The following VWC2L variants were observed in gnomAD, a reference collection of about 807,000 sequenced individuals.
VWC2L encodes von Willebrand factor C domain containing 2 like.
VWC2L carries 10 observed loss-of-function variants against 21.6 expected under a neutral mutation model. The ratio of observed to expected loss-of-function variants is 0.46; its 90% CI spans 0.29 to 0.78. The LOEUF (loss-of-function observed/expected upper bound fraction) is 0.78. Ranked by LOEUF, VWC2L falls within the 30% of genes least tolerant of loss-of-function variation. VWC2L has a pLI of 0.10. For synonymous variants in VWC2L, 96 were observed against 94.3 expected (o/e 1.02, Z -0.10); for missense variants, 209 against 277.1 (o/e 0.75, Z 1.74).
intron 3 of VWC2L, among the ~76,000 whole-genome samples, chr2:214,513,931 G>C (rs1689098579): frequency 6.6e-6 from 1 of 152,086 alleles, no homozygotes; most frequent in Non-Finnish European, 1.5e-5. Flanking sequence ...GGCATCCTCA[G>C]TTCAGTCAAC....
chr2:214,431,251 T>A (rs75101868), intron 2 of VWC2L, among the ~76,000 whole-genome samples: 7,681 of 152,254 alleles, frequency 0.05, 598 homozygotes, highest in African/African-American at 0.17. Context: ...TTCATACAGT[T>A]TGAAAGTAAT....
At chr2:214,469,169 C>T (rs1448865139) in intron 3 of VWC2L, among the ~76,000 whole-genome samples, 2 of 152,062 alleles carry the variant, frequency 1.3e-5, no homozygotes, top group Non-Finnish European at 2.9e-5. Context: ...GATAAAAGAA[C>T]GTTCCATACA....
chr2:214,533,864 T>G (rs1689481990), intron 3 of VWC2L: 1 of 152,182 alleles, frequency 6.6e-6, no homozygotes, highest in Non-Finnish European at 1.5e-5. Flanking sequence ...AGTTTAGCCA[T>G]AAACCTTCCA....
chr2:214,473,308 G>T (rs1455743963), intron 3 of VWC2L, among the ~76,000 whole-genome samples: 2 of 152,136 alleles, frequency 1.3e-5, no homozygotes, highest in Non-Finnish European at 2.9e-5. Context: ...AAGTTAACTT[G>T]CTGTAACAGA....
intron 3 of VWC2L, among the ~76,000 whole-genome samples, chr2:214,460,674 G>T (rs956412549): frequency 2.0e-5 from 3 of 151,950 alleles, no homozygotes; most frequent in Non-Finnish European, 4.4e-5. Flanking sequence ...ATTCTGAATT[G>T]CTTTTCTGAT....
At chr2:214,553,551 A>G (rs1490847640) in intron 3 of VWC2L, among the ~76,000 whole-genome samples, 1 of 152,196 alleles carries the variant, frequency 6.6e-6, no homozygotes, top group Non-Finnish European at 1.5e-5. Flanking sequence ...TATGGAGACC[A>G]AGGTTTTATC....
rs1339234240 is a variant in VWC2L at position 214,576,681 on chromosome 2, A to T, written c.*861A>T. ...CTAAACACACTCTAAACTCACTGTC[A>T]TCAGGCAATATAAATACCAGAACCA... On this transcript the variant is annotated 3_prime_UTR_variant, in exon 4 of 4. Coordinates refer to ENST00000312504, the MANE Select transcript of VWC2L (RefSeq NM_001080500.4). 1 of 152,220 alleles carries T rather than the reference A, an allele frequency of 6.6e-6. No homozygotes were observed. The highest frequency in any genetic ancestry group is 1.9e-4 in the East Asian group (1 of 5,202). 9.4% of individuals were successfully genotyped at this position (152,220 alleles called of 1,614,324 possible). A position where few individuals can be genotyped will look rare whatever the true frequency, so the allele number is the denominator to read the frequency against.
At chr2:214,423,381 C>T (rs537159641) in intron 2 of VWC2L, among the ~76,000 whole-genome samples, 1 of 152,208 alleles carries the variant, frequency 6.6e-6, no homozygotes, top group Non-Finnish European at 1.5e-5. Flanking sequence ...AACACACTTC[C>T]ATTGTGCCAA....
At chr2:214,513,518 G>A (rs555637357) in intron 3 of VWC2L, among the ~76,000 whole-genome samples, 33 of 152,186 alleles carry the variant, frequency 2.2e-4, no homozygotes, top group African/African-American at 6.8e-4. Flanking sequence ...CATTCGTAAC[G>A]TGGCAGAGAA....
In VWC2L at chr2:214,513,016, G is replaced by A. The variant is rs568618916; in HGVS notation, c.521-62656G>A. Among the ~76,000 whole-genome samples the A allele has an allele frequency of 2.7e-3, 418 of 152,200 alleles. 5 individuals are homozygous for A. Among genetic ancestry groups the A allele is most frequent in the Admixed American group, 5.5e-3 (84 of 15,292 alleles). On this transcript the variant is annotated intron_variant, in intron 3 of 3. Transcript: ENST00000312504. ...TCTACTAGAGTGATAGTCCAACTAT[G>A]ATGAGTAGATAAAGGCTGCACAGCC...
intron 3 of VWC2L, among the ~76,000 whole-genome samples, chr2:214,455,439 A>G (rs1460815803): frequency 6.6e-6 from 1 of 152,108 alleles, no homozygotes; most frequent in Admixed American, 6.5e-5. Flanking sequence ...GCACATATTT[A>G]TGGGTTACAT....
rs1690222036 is a variant in VWC2L, at chr2:214,575,871, A to C, written c.*51A>C. On this transcript the variant is annotated 3_prime_UTR_variant, in exon 4 of 4. Coordinates refer to ENST00000312504, the MANE Select transcript of VWC2L (RefSeq NM_001080500.4). ...TCTTAGGAAAGGATGCTATGGCTTC[A>C]ACACTGCACATGTTTAACACAAAAC... 1.3e-6 allele frequency: 2 copies of C among 1,569,656 alleles called. No homozygotes were observed. The highest frequency in any genetic ancestry group is 1.7e-4 in the Middle Eastern group (1 of 5,872).
intron 2 of VWC2L, among the ~76,000 whole-genome samples, chr2:214,421,931 G>A (rs376128325): frequency 0.014 from 1,361 of 94,922 alleles, 28 homozygotes; most frequent in African/African-American, 0.065. Context: ...TCGCTCTGTC[G>A]CCCAGGCTGG....
chr2:214,437,720 C>T (rs2126179125), intron 3 of VWC2L, among the ~76,000 whole-genome samples: 1 of 152,172 alleles, frequency 6.6e-6, no homozygotes, highest in African/African-American at 2.4e-5. Flanking sequence ...TAATCTTTTC[C>T]TTTACAGAAG....
intron 3 of VWC2L, among the ~76,000 whole-genome samples, chr2:214,522,144 A>G (rs1040625778): frequency 6.6e-6 from 1 of 152,018 alleles, no homozygotes; most frequent in African/African-American, 2.4e-5. Context: ...GGGAGGCCGA[A>G]GCGGGTGGAT....
intron 3 of VWC2L, among the ~76,000 whole-genome samples, chr2:214,494,606 A>T (rs1688786952): frequency 6.6e-6 from 1 of 152,168 alleles, no homozygotes; most frequent in Admixed American, 6.6e-5. Context: ...TTGAGTCTCA[A>T]AGTCTCTTCA....
Position 214,576,091 on chromosome 2 carries a change from A to C in VWC2L, c.*271A>C. 4.6e-6 allele frequency: 1 copy of C among 218,522 alleles called. No homozygotes were observed. Among genetic ancestry groups the C allele is most frequent in the Non-Finnish European group, 9.0e-6 (1 of 111,712 alleles). 13.5% of individuals were successfully genotyped at this position (218,522 alleles called of 1,614,324 possible). A position where few individuals can be genotyped will look rare whatever the true frequency, so the allele number is the denominator to read the frequency against. On this transcript the variant is annotated 3_prime_UTR_variant, in exon 4 of 4. Coordinates refer to ENST00000312504, the MANE Select transcript of VWC2L (RefSeq NM_001080500.4). ...CTTGACGACTGGATTGCTGGAACAAAAAGAAAGAAATAGCCTTGCACAGGC... is the reference window on the plus strand; with the variant it reads ...CTTGACGACTGGATTGCTGGAACAACAAGAAAGAAATAGCCTTGCACAGGC...
intron 3 of VWC2L, among the ~76,000 whole-genome samples, chr2:214,463,956 T>C (rs1371043194): frequency 6.6e-6 from 1 of 152,156 alleles, no homozygotes; most frequent in Non-Finnish European, 1.5e-5. Context: ...TTCTTCAATA[T>C]GTCAGTTGAA....
intron 2 of VWC2L, among the ~76,000 whole-genome samples, chr2:214,426,628 T>C (rs780329851): frequency 6.6e-6 from 1 of 152,262 alleles, no homozygotes; most frequent in Non-Finnish European, 1.5e-5. Flanking sequence ...CAGAGAAATT[T>C]GTGCCTTTGT....
Sources: gnomAD v4.1 joint callset for allele counts (sites outside exome capture counted in the v4.1 genomes callset) on GRCh38, gnomAD v4.1.1 for gene constraint, MANE v1.5 for transcripts, NCBI Gene and HGNC (gene_info 2026-07-23, HGNC 2026-07-21) for gene names.